BSDC1: variants seen among roughly 807,000 people sequenced by gnomAD.
The protein encoded by BSDC1 is BSD domain containing 1.
In BSDC1, 29 loss-of-function variants were observed where a neutral mutation model predicts 56.0. That is an observed-to-expected ratio of 0.52 (90% confidence interval 0.39 to 0.71). BSDC1 has a LOEUF of 0.71. Ranked by LOEUF, BSDC1 falls within the 30% of genes least tolerant of loss-of-function variation. The probability of loss-of-function intolerance (pLI) is 0.00; values close to 1 mark genes in which losing one functional copy is unlikely to be tolerated. For synonymous variants in BSDC1, 210 were observed against 215.3 expected, an observed-to-expected ratio of 0.98 and a Z score of 0.21; for missense variants, 477 against 548.5, an observed-to-expected ratio of 0.87 and a Z score of 1.30.
chr1:32,388,818 T>G (rs1232708408), intron 2 of BSDC1, among the ~76,000 whole-genome samples: 1 of 152,182 alleles, frequency 6.6e-6, no homozygotes, highest in Non-Finnish European at 1.5e-5. Flanking sequence ...ACCAAGTCTG[T>G]AAACACGATG....
chr1:32,375,015 G>C (rs1265025755), intron 9 of BSDC1, among the ~76,000 whole-genome samples: 1 of 152,166 alleles, frequency 6.6e-6, no homozygotes, highest in Non-Finnish European at 1.5e-5. Flanking sequence ...AGCCGGGCAT[G>C]ATAGCATGCG....
In BSDC1 at chr1:32,378,760, T is replaced by C; in HGVS notation, c.492A>G (p.Val164=). ...EKKGEISELL[V]GSPSIRALYT... Reference sequence around the variant, plus strand: ...AGAGGGCCCGGATGGAGGGGCTGCCTACAAGGAGCTCTGAGATCTCCCCCT... The same window carrying C: ...AGAGGGCCCGGATGGAGGGGCTGCCCACAAGGAGCTCTGAGATCTCCCCCT... The change falls in exon 6 of 11, where the codon GTA becomes GTG. Residue 164 remains valine (V), a synonymous_variant. Transcript: ENST00000455895. This position sits in a 1 kb window ranked among gnomAD's most constrained non-coding sequence, Gnocchi z 5.2. 1 of 1,544,610 alleles carries C rather than the reference T, an allele frequency of 6.5e-7. No individual in the cohort carries two copies. The highest frequency in any genetic ancestry group is 2.5e-5 in the East Asian group (1 of 40,708).
At chr1:32,367,870 C>T in intron 10 of BSDC1, 1 of 1,005,064 alleles carries the variant, frequency 9.9e-7, no homozygotes, top group Non-Finnish European at 1.2e-6. Context: ...ATGATCAATT[C>T]CATGTTTTAG....
chr1:32,377,710 G>C (rs774027778), intron 8 of BSDC1, among the ~76,000 whole-genome samples: 2 of 151,904 alleles, frequency 1.3e-5, no homozygotes, highest in African/African-American at 4.9e-5. Context: ...GCTCCCCAGT[G>C]ACTAAGCGGC....
rs1641867624 is a variant in BSDC1 at position 32,366,725 on chromosome 1, C to T, written c.1261-71G>A. Reference sequence around the variant, plus strand: ...CCTGAGTCAGGCCCAGACCTAACCTCCACTTGCTGAGCAGAGCCACCTCCC... The same window carrying T: ...CCTGAGTCAGGCCCAGACCTAACCTTCACTTGCTGAGCAGAGCCACCTCCC... On this transcript the variant is annotated intron_variant, in intron 10 of 10. Transcript: ENST00000455895. 16 of 1,444,116 alleles carry T rather than the reference C, an allele frequency of 1.1e-5. No individual in the cohort carries two copies. In the South Asian group the frequency reaches 2.1e-4, roughly 19 times the overall value. 89.5% of individuals were successfully genotyped at this position (1,444,116 alleles called of 1,614,324 possible).
chr1:32,367,462 C>T (rs1641893872), intron 10 of BSDC1: 4 of 985,284 alleles, frequency 4.1e-6, no homozygotes, highest in African/African-American at 1.7e-5. Context: ...GCTTCAGTTT[C>T]CCATCATGAA....
chr1:32,391,841 G>A (rs958049443), intron 2 of BSDC1, among the ~76,000 whole-genome samples: 2 of 152,094 alleles, frequency 1.3e-5, no homozygotes, highest in African/African-American at 4.8e-5. Context: ...ACGAACTGGG[G>A]GTGGTATCTA....
At chr1:32,390,312 A>G (rs1239363736) in intron 2 of BSDC1, among the ~76,000 whole-genome samples, 4 of 152,234 alleles carry the variant, frequency 2.6e-5, no homozygotes, top group African/African-American at 9.7e-5. Context: ...AAGAAAATAG[A>G]AAAATGTGAG....
At chr1:32,368,605 G>A in intron 9 of BSDC1, 55 bp from the exon 10 acceptor site, 1 of 1,610,042 alleles carries the variant, frequency 6.2e-7, no homozygotes, top group South Asian at 1.1e-5. Context: ...AGGGGCACCT[G>A]AAGAGGGTGT....
At chr1:32,393,018 C>A (rs1006843568) in intron 2 of BSDC1, among the ~76,000 whole-genome samples, 5 of 152,122 alleles carry the variant, frequency 3.3e-5, no homozygotes, top group Non-Finnish European at 7.4e-5. Context: ...GAGCTGAGAC[C>A]GCACCTGTGC....
intron 3 of BSDC1, among the ~76,000 whole-genome samples, chr1:32,384,755 G>A (rs1192136079): frequency 4.6e-5 from 7 of 151,862 alleles, no homozygotes; most frequent in Non-Finnish European, 7.4e-5. Context: ...AAACCTCATG[G>A]AAAATTTTAT....
At chr1:32,384,484 C>T (rs1642599466) in intron 3 of BSDC1, among the ~76,000 whole-genome samples, 1 of 152,146 alleles carries the variant, frequency 6.6e-6, no homozygotes, top group African/African-American at 2.4e-5. Context: ...CATAGGGTTA[C>T]CATGAAGATT....
At chr1:32,381,165 C>T (rs763710503) in intron 5 of BSDC1, 49 bp downstream of exon 5, 1 of 1,599,002 alleles carries the variant, frequency 6.3e-7, no homozygotes, top group South Asian at 1.1e-5. Context: ...ACCCAGCCCC[C>T]TTAGTCTACT....
intron 4 of BSDC1, among the ~76,000 whole-genome samples, chr1:32,383,052 T>C (rs1182055915): frequency 6.6e-6 from 1 of 152,056 alleles, no homozygotes; most frequent in Non-Finnish European, 1.5e-5. Flanking sequence ...ACAGCGTTCC[T>C]TATTATGCTT....
At chr1:32,373,876 G>A (rs997310229) in intron 9 of BSDC1, among the ~76,000 whole-genome samples, 1 of 152,082 alleles carries the variant, frequency 6.6e-6, no homozygotes, top group Non-Finnish European at 1.5e-5. Flanking sequence ...AACCTAATTA[G>A]ATCCAACTCC....
At chr1:32,391,730 T>A (rs572855697) in intron 2 of BSDC1, among the ~76,000 whole-genome samples, 2 of 152,072 alleles carry the variant, frequency 1.3e-5, no homozygotes, top group African/African-American at 2.4e-5. Context: ...CAGGGCAATG[T>A]GTTCTAAGGA....
At chr1:32,388,272 C>T (rs758249031) in intron 2 of BSDC1, among the ~76,000 whole-genome samples, 7 of 152,208 alleles carry the variant, frequency 4.6e-5, no homozygotes, top group Non-Finnish European at 7.4e-5. Context: ...AGTCTATCAG[C>T]TACAGGCTTC....
At chr1:32,386,268 G>A (rs1335957280) in intron 3 of BSDC1, among the ~76,000 whole-genome samples, 3 of 147,512 alleles carry the variant, frequency 2.0e-5, no homozygotes, top group Non-Finnish European at 3.0e-5. Context: ...GCAGTGAGCC[G>A]AGATGGCGCC....
intron 10 of BSDC1, chr1:32,367,389 C>T (rs1022681856): frequency 7.1e-6 from 7 of 985,330 alleles, no homozygotes; most frequent in Middle Eastern, 5.2e-4. Flanking sequence ...TTTCTCTGTC[C>T]TGGGTATAGT....
Sources: allele counts gnomAD v4.1 joint callset (sites outside exome capture counted in the v4.1 genomes callset), GRCh38; gene constraint gnomAD v4.1.1; non-coding constraint Gnocchi (gnomAD v3.1); transcripts MANE v1.5; gene names NCBI Gene and HGNC (gene_info 2026-07-23, HGNC 2026-07-21).